RCOR1: variants seen among roughly 807,000 people sequenced by gnomAD.
RCOR1 encodes REST corepressor 1.
RCOR1 carries 12 observed loss-of-function variants against 64.0 expected under a neutral mutation model. The observed-to-expected ratio is 0.19, with a 90% CI of 0.12 to 0.30. The LOEUF is 0.30. RCOR1 is among the 10% of genes least tolerant of loss of function. The probability of loss-of-function intolerance (pLI) is 1.00; values close to 1 mark genes in which losing one functional copy is unlikely to be tolerated. For missense variants in RCOR1, 502 were observed against 621.2 expected (o/e 0.81, Z 2.04); for synonymous variants, 279 against 227.2 (o/e 1.23, Z -2.05).
intron 2 of RCOR1, among the ~76,000 whole-genome samples, chr14:102,637,562 C>T (rs1037284207): frequency 6.6e-6 from 1 of 152,046 alleles, no homozygotes; most frequent in African/African-American, 2.4e-5. Context: ...GTGATCCTCC[C>T]ATCTCAGCCT....
Position 102,665,514 on chromosome 14 carries a change from G to A in RCOR1, c.362-16381G>A, listed in dbSNP as rs553926475. 8.5e-5 allele frequency among the ~76,000 whole-genome samples: 13 copies of A among 152,194 alleles called. No individual in the cohort carries two copies. The South Asian group carries it at 2.7e-3, about 31-fold the overall frequency. ...GACTAACACTGTTGTAAGCTGAGGA[G>A]CATCTGTATGTACCAGGTACTTAAT... is the stretch of plus-strand genomic sequence containing the variant. On this transcript the variant is annotated intron_variant, in intron 2 of 11. Coordinates refer to ENST00000262241, the MANE Select transcript of RCOR1 (RefSeq NM_015156.4).
chr14:102,613,700 A>G (rs539084241), intron 2 of RCOR1, among the ~76,000 whole-genome samples: 1,520 of 149,532 alleles, frequency 0.01, 16 homozygotes, highest in Admixed American at 0.015. Flanking sequence ...GATTACAGGC[A>G]TGAGCCACCG....
At chr14:102,633,399 G>A (rs1894167967) in intron 2 of RCOR1, among the ~76,000 whole-genome samples, 1 of 151,950 alleles carries the variant, frequency 6.6e-6, no homozygotes, top group South Asian at 2.1e-4. Flanking sequence ...ATATTATATT[G>A]CCCAGGATAC....
intron 2 of RCOR1, among the ~76,000 whole-genome samples, chr14:102,599,179 A>T (rs1315294518): frequency 6.6e-6 from 1 of 151,242 alleles, no homozygotes; most frequent in African/African-American, 2.4e-5. Context: ...TCACCAGTAT[A>T]GTGGTGTGAT....
chr14:102,703,545 C>G (rs1895789378), intron 4 of RCOR1, among the ~76,000 whole-genome samples: 1 of 152,148 alleles, frequency 6.6e-6, no homozygotes. Flanking sequence ...AGGCAATGGT[C>G]TGATATATTC....
rs148197958 is a variant in RCOR1, at chr14:102,715,382, T to A, written c.1053+765T>A. On this transcript the variant is annotated intron_variant, in intron 8 of 11. Transcript: ENST00000262241. Reference sequence around the variant, plus strand: ...CACCGCGCCCGGCCCTGATTTTTTTTAATTTTATTTTGTTTTTGAGACAGT... The same window carrying A: ...CACCGCGCCCGGCCCTGATTTTTTTAAATTTTATTTTGTTTTTGAGACAGT... Among the ~76,000 whole-genome samples, 409 of 151,136 alleles carry A rather than the reference T, an allele frequency of 2.7e-3. 2 individuals carry two copies. Among genetic ancestry groups the A allele is most frequent in the African/African-American group, 8.7e-3 (357 of 41,128 alleles).
intron 2 of RCOR1, among the ~76,000 whole-genome samples, chr14:102,614,499 C>G (rs1223342124): frequency 6.6e-6 from 1 of 151,402 alleles, no homozygotes; most frequent in Non-Finnish European, 1.5e-5. Flanking sequence ...GCTGGGATTA[C>G]AAGCATGAGC....
intron 2 of RCOR1, among the ~76,000 whole-genome samples, chr14:102,632,418 C>A (rs1276457076): frequency 6.7e-6 from 1 of 149,716 alleles, no homozygotes; most frequent in Non-Finnish European, 1.5e-5. Flanking sequence ...GGGGTTTCAA[C>A]GTGTTCTCGA....
At chr14:102,722,537 A>G in intron 11 of RCOR1, 121 bp downstream of exon 11, 1 of 715,540 alleles carries the variant, frequency 1.4e-6, no homozygotes, top group East Asian at 2.7e-5. Context: ...TAGTAACTTC[A>G]CTCTTACCTG....
intron 8 of RCOR1, among the ~76,000 whole-genome samples, chr14:102,718,282 G>A (rs1229333857): frequency 6.6e-6 from 1 of 152,176 alleles, no homozygotes. Flanking sequence ...AGTATGAAGA[G>A]GAGGTGGGGG....
At chr14:102,722,665 C>T (rs1421435044) in intron 11 of RCOR1, among the ~76,000 whole-genome samples, 4 of 152,218 alleles carry the variant, frequency 2.6e-5, no homozygotes, top group Non-Finnish European at 4.4e-5. Context: ...ACAAAATACT[C>T]TGCATTATCA....
chr14:102,652,427 T>A (rs898673654), intron 2 of RCOR1, among the ~76,000 whole-genome samples: 2 of 152,120 alleles, frequency 1.3e-5, no homozygotes, highest in Non-Finnish European at 1.5e-5. Flanking sequence ...TTACAAACAC[T>A]CTCTCCTCTA....
intron 2 of RCOR1, chr14:102,662,164 T>C: frequency 1.2e-5 from 5 of 405,342 alleles, no homozygotes; most frequent in South Asian, 9.7e-5. Context: ...ATGTACATAC[T>C]TCTGCAACTT....
chr14:102,688,752 C>T (rs917406724), intron 3 of RCOR1, among the ~76,000 whole-genome samples: 4 of 152,166 alleles, frequency 2.6e-5, no homozygotes, highest in Non-Finnish European at 5.9e-5. Flanking sequence ...TTACTCCACA[C>T]GTTTCTGTTG....
intron 2 of RCOR1, among the ~76,000 whole-genome samples, chr14:102,618,452 G>GA (rs1053460893): frequency 1.3e-5 from 2 of 150,218 alleles, no homozygotes; most frequent in African/African-American, 2.4e-5. Flanking sequence ...TCTTCAGGGG[G>GA]AAAAAAAAAG....
At chr14:102,641,604 A>T (rs1183808217) in intron 2 of RCOR1, among the ~76,000 whole-genome samples, 2 of 150,716 alleles carry the variant, frequency 1.3e-5, no homozygotes, top group East Asian at 1.9e-4. Flanking sequence ...TGTCTCAATT[A>T]AAAAAAAAAT....
intron 3 of RCOR1, among the ~76,000 whole-genome samples, chr14:102,690,556 A>C (rs1895511708): frequency 6.6e-6 from 1 of 152,078 alleles, no homozygotes; most frequent in African/African-American, 2.4e-5. Context: ...GCGCCACTGC[A>C]CTCCAGCCTG....
At chr14:102,707,267 G>GT in intron 4 of RCOR1, 84 bp from the exon 5 acceptor site, 1 of 1,211,444 alleles carries the variant, frequency 8.3e-7, no homozygotes, top group Non-Finnish European at 1.2e-6. Context: ...ATATGAAGTC[G>GT]TTTTTACTTT....
At chr14:102,647,423 TCTC>T (rs1894499074) in intron 2 of RCOR1, among the ~76,000 whole-genome samples, 2 of 152,246 alleles carry the variant, frequency 1.3e-5, no homozygotes. Context: ...TTCAACCAGT[TCTC>T]CTGCCTCAGC....
Sources: gnomAD v4.1 joint callset for allele counts (sites outside exome capture counted in the v4.1 genomes callset) on GRCh38, gnomAD v4.1.1 for gene constraint, MANE v1.5 for transcripts, NCBI Gene and HGNC (gene_info 2026-07-23, HGNC 2026-07-21) for gene names.